The following ASB18 variants were observed in gnomAD, a reference collection of about 807,000 sequenced individuals.
ASB18 encodes ankyrin repeat and SOCS box containing 18.
In ASB18, 33 loss-of-function variants were observed where a neutral mutation model predicts 33.4. The ratio of observed to expected loss-of-function variants is 0.99; its 90% CI spans 0.75 to 1.32. The LOEUF (loss-of-function observed/expected upper bound fraction) is 1.32. Ranked by LOEUF, ASB18 falls within the 40% of genes most tolerant of loss-of-function variation. The pLI, the probability that ASB18 is intolerant of heterozygous loss-of-function variation, is 0.00. For synonymous variants in ASB18, 295 were observed against 307.6 expected, an observed-to-expected ratio of 0.96 and a Z score of 0.43; for missense variants, 694 against 655.5, an observed-to-expected ratio of 1.06 and a Z score of -0.64.
At position 236,252,053 on chromosome 2, in the gene ASB18, C is replaced by T. The variant is rs2106284601; in HGVS notation, c.206-10651G>A. Reference sequence around the variant, plus strand: ...TGGGAGGCTGAGGCAGGTGAATCACCTGAGGTCAGGAGTTCCAGACCAGGC... The same window carrying T: ...TGGGAGGCTGAGGCAGGTGAATCACTTGAGGTCAGGAGTTCCAGACCAGGC... On this transcript the variant is annotated intron_variant, in intron 1 of 5. Transcript: ENST00000409749. This position sits in a 1 kb window ranked among gnomAD's most constrained non-coding sequence, Gnocchi z 7.9. 6.6e-6 allele frequency among the ~76,000 whole-genome samples: 1 copy of T among 152,196 alleles called. No homozygotes were observed. Among genetic ancestry groups the T allele is most frequent in the African/African-American group, 2.4e-5 (1 of 41,524 alleles).
rs1190977071 is a variant in ASB18 at position 236,218,266 on chromosome 2, C to CT, written c.597-3401dup. ...GCTTCTAGTTGGCTAAACCTTGGCA[C>CT]TTTTTTAGAGTGGGCAATGATTTAA... On this transcript the variant is annotated intron_variant, in intron 3 of 5. Transcript: ENST00000409749. Among the ~76,000 whole-genome samples, 4 of 152,194 alleles carry CT rather than the reference C, an allele frequency of 2.6e-5. No individual in the cohort carries two copies. In the East Asian group the frequency reaches 7.7e-4, roughly 29 times the overall value.
At position 236,219,707 on chromosome 2, in the gene ASB18, G is replaced by A. The variant is rs1401369433; in HGVS notation, c.597-4841C>T. 6.6e-6 allele frequency among the ~76,000 whole-genome samples: 1 copy of A among 152,226 alleles called. No homozygotes were observed. Among genetic ancestry groups the A allele is most frequent in the Non-Finnish European group, 1.5e-5 (1 of 68,044 alleles). On this transcript the variant is annotated intron_variant, in intron 3 of 5. Transcript: ENST00000409749. This position sits in a 1 kb window ranked among gnomAD's most constrained non-coding sequence, Gnocchi z 6.4. ...AATGCCACCAGTGGAAGAAGAAATA[G>A]CTCAGTAGGGAAAGCATCCCTGAAG...
rs12185623 is a variant in ASB18 at position 236,220,289 on chromosome 2, G to C, written c.597-5423C>G. Among the ~76,000 whole-genome samples, 25,214 of 152,100 alleles carry C rather than the reference G, an allele frequency of 0.17. 2,164 individuals are homozygous for C. Among genetic ancestry groups the C allele is most frequent in the South Asian group, 0.24 (1,144 of 4,818 alleles). On this transcript the variant is annotated intron_variant, in intron 3 of 5. Transcript: ENST00000409749. This position sits in a 1 kb window ranked among gnomAD's most constrained non-coding sequence, Gnocchi z 5.1. Reference sequence around the variant, plus strand: ...CAGGGCACAAGGCCTGGAGGCCTCAGCCTGGGCTCTCCCACTGTTTCCTCC... The same window carrying C: ...CAGGGCACAAGGCCTGGAGGCCTCACCCTGGGCTCTCCCACTGTTTCCTCC...
At position 236,257,003 on chromosome 2, in the gene ASB18, C is replaced by G. The variant is rs1402060683; in HGVS notation, c.205+7138G>C. Among the ~76,000 whole-genome samples, 1 of 152,148 alleles carries G rather than the reference C, an allele frequency of 6.6e-6. No homozygotes were observed. The highest frequency in any genetic ancestry group is 1.5e-5 in the Non-Finnish European group (1 of 68,012). ...GGCTGCTGCAGCAGCCATTTTGTTC[C>G]TAAATAATTCAACTATATTCAAAGA... On this transcript the variant is annotated intron_variant, in intron 1 of 5. Coordinates refer to ENST00000409749, the MANE Select transcript of ASB18 (RefSeq NM_212556.4). The surrounding 1 kb of genome is among the most constrained non-coding windows in gnomAD (Gnocchi z 5.5).
At position 236,222,481 on chromosome 2, in the gene ASB18, C is replaced by T. The variant is rs1559331884; in HGVS notation, c.597-7615G>A. 6.6e-6 allele frequency among the ~76,000 whole-genome samples: 1 copy of T among 152,168 alleles called. No homozygotes were observed. The highest frequency in any genetic ancestry group is 1.5e-5 in the Non-Finnish European group (1 of 68,030). On this transcript the variant is annotated intron_variant, in intron 3 of 5. Coordinates refer to ENST00000409749, the MANE Select transcript of ASB18 (RefSeq NM_212556.4). This position sits in a 1 kb window ranked among gnomAD's most constrained non-coding sequence, Gnocchi z 5.5. ...CTCCCCATTGTAAATGGAAACTTGG[C>T]AAACTGAAAAATGATTTAGTGAACA...
At position 236,219,411 on chromosome 2, in the gene ASB18, G is replaced by A. The variant is rs982506399; in HGVS notation, c.597-4545C>T. 2.0e-5 allele frequency among the ~76,000 whole-genome samples: 3 copies of A among 152,110 alleles called. No individual in the cohort carries two copies. The highest frequency in any genetic ancestry group is 4.4e-5 in the Non-Finnish European group (3 of 68,026). ...TTGGCTTTCCAGGTTCCCAGAATAC[G>A]CTTGAAATTTCCATCAATCTGTTTA... On this transcript the variant is annotated intron_variant, in intron 3 of 5. Coordinates refer to ENST00000409749, the MANE Select transcript of ASB18 (RefSeq NM_212556.4). This position sits in a 1 kb window ranked among gnomAD's most constrained non-coding sequence, Gnocchi z 6.4.
At position 236,211,272 on chromosome 2, in the gene ASB18, C is replaced by T. The variant is rs2060457441; in HGVS notation, c.1101+3090G>A. Reference sequence around the variant, plus strand: ...CTGCCCCCTATGCCTGCCCTCGGTGCCCTGTCCCTGCCCCCAGTGTTAACT... The same window carrying T: ...CTGCCCCCTATGCCTGCCCTCGGTGTCCTGTCCCTGCCCCCAGTGTTAACT... On this transcript the variant is annotated intron_variant, in intron 4 of 5. Transcript: ENST00000409749. This position sits in a 1 kb window ranked among gnomAD's most constrained non-coding sequence, Gnocchi z 5.0. Among the ~76,000 whole-genome samples, 2 of 152,194 alleles carry T rather than the reference C, an allele frequency of 1.3e-5. No homozygotes were observed. Among genetic ancestry groups the T allele is most frequent in the South Asian group, 4.1e-4 (2 of 4,828 alleles).
chr2:236,224,061 G>A (rs2060525458), intron 3 of ASB18, among the ~76,000 whole-genome samples: 1 of 151,976 alleles, frequency 6.6e-6, no homozygotes, highest in Non-Finnish European at 1.5e-5. Context: ...GGAATTACTG[G>A]TAGGTATGTA....
rs1222730381 is a variant in ASB18 at position 236,209,339 on chromosome 2, C to A, written c.1101+5023G>T. 6.7e-6 allele frequency among the ~76,000 whole-genome samples: 1 copy of A among 150,076 alleles called. No homozygotes were observed. Among genetic ancestry groups the A allele is most frequent in the Non-Finnish European group, 1.5e-5 (1 of 67,834 alleles). ...CCAGGCTGGAGTGTAGTATTGCAAT[C>A]ATGGCTCACTGCAGCTTCCACCCCC... is the stretch of plus-strand genomic sequence containing the variant. On this transcript the variant is annotated intron_variant, in intron 4 of 5. Coordinates refer to ENST00000409749, the MANE Select transcript of ASB18 (RefSeq NM_212556.4). This position sits in a 1 kb window ranked among gnomAD's most constrained non-coding sequence, Gnocchi z 4.4.
chr2:236,223,592 C>T lies in ASB18; in HGVS notation c.597-8726G>A, dbSNP rs898721442. Among the ~76,000 whole-genome samples, 1 of 152,132 alleles carries T rather than the reference C, an allele frequency of 6.6e-6. No individual in the cohort carries two copies. The highest frequency in any genetic ancestry group is 6.5e-5 in the Admixed American group (1 of 15,282). Reference sequence around the variant, plus strand: ...CAGAAATGCACAGGTCTTAAGAGCACAATTGAATGAATTTCAACAAAGGAA... The same window carrying T: ...CAGAAATGCACAGGTCTTAAGAGCATAATTGAATGAATTTCAACAAAGGAA... On this transcript the variant is annotated intron_variant, in intron 3 of 5. Coordinates refer to ENST00000409749, the MANE Select transcript of ASB18 (RefSeq NM_212556.4). The surrounding 1 kb of genome is among the most constrained non-coding windows in gnomAD (Gnocchi z 4.6).
chr2:236,218,608 C>A (rs900011763), intron 3 of ASB18, among the ~76,000 whole-genome samples: 15 of 152,086 alleles, frequency 9.9e-5, no homozygotes, highest in African/African-American at 3.6e-4. Context: ...ACCATCCTGG[C>A]TAACATGGTG....
chr2:236,196,447 A>C lies in ASB18; in HGVS notation c.1102-62T>G, dbSNP rs1337980006. 1.2e-5 allele frequency: 8 copies of C among 683,768 alleles called. No individual in the cohort carries two copies. The highest frequency in any genetic ancestry group is 1.8e-5 in the Non-Finnish European group (7 of 386,872). 42.4% of individuals were successfully genotyped at this position (683,768 alleles called of 1,614,324 possible). On this transcript the variant is annotated intron_variant, in intron 4 of 5. Transcript: ENST00000409749. The surrounding 1 kb of genome is among the most constrained non-coding windows in gnomAD (Gnocchi z 5.6). ...CTGGGTTCTGGGTCTCAGTGGGGAAAGGGTGGGGGGTGTGGGGGGATGCTC... is the reference window on the plus strand; with the variant it reads ...CTGGGTTCTGGGTCTCAGTGGGGAACGGGTGGGGGGTGTGGGGGGATGCTC...
Position 236,225,237 on chromosome 2 carries a change from T to C in ASB18, c.597-10371A>G, listed in dbSNP as rs761688634. ...CCTGGGCTCAAGTGATCCTCCAGAC[T>C]CAGCCTCCCAAGTAGCTGAGACTAC... On this transcript the variant is annotated intron_variant, in intron 3 of 5. Coordinates refer to ENST00000409749, the MANE Select transcript of ASB18 (RefSeq NM_212556.4). This position sits in a 1 kb window ranked among gnomAD's most constrained non-coding sequence, Gnocchi z 5.1. Among the ~76,000 whole-genome samples, 1 of 152,124 alleles carries C rather than the reference T, an allele frequency of 6.6e-6. No homozygotes were observed. The highest frequency in any genetic ancestry group is 1.5e-5 in the Non-Finnish European group (1 of 68,022).
chr2:236,232,337 C>G (rs1164220035), intron 3 of ASB18, among the ~76,000 whole-genome samples: 2 of 151,186 alleles, frequency 1.3e-5, no homozygotes. Context: ...TTGTGGGATT[C>G]AGCTAAAATA....
chr2:236,251,680 A>G lies in ASB18; in HGVS notation c.206-10278T>C, dbSNP rs888245715. ...AGTTAAATTCCAGAATTAGAACTTT[A>G]AACTTCCAACGGAAAAACAGGAAAA... On this transcript the variant is annotated intron_variant, in intron 1 of 5. Coordinates refer to ENST00000409749, the MANE Select transcript of ASB18 (RefSeq NM_212556.4). This position sits in a 1 kb window ranked among gnomAD's most constrained non-coding sequence, Gnocchi z 5.3. 6.6e-6 allele frequency among the ~76,000 whole-genome samples: 1 copy of G among 152,234 alleles called. No homozygotes were observed. Among genetic ancestry groups the G allele is most frequent in the African/African-American group, 2.4e-5 (1 of 41,456 alleles).
chr2:236,252,893 A>T lies in ASB18; in HGVS notation c.205+11248T>A, dbSNP rs1243091969. The stretch of plus-strand genomic sequence containing the variant: ...TTTGCCTCAGCTGCAGAGCTGCATC[A>T]CCTAAGAACACTCCTCCCAACGTGG... On this transcript the variant is annotated intron_variant, in intron 1 of 5. Transcript: ENST00000409749. This position sits in a 1 kb window ranked among gnomAD's most constrained non-coding sequence, Gnocchi z 7.9. Among the ~76,000 whole-genome samples the T allele has an allele frequency of 1.3e-5, 2 of 152,124 alleles. No homozygotes were observed. Among genetic ancestry groups the T allele is most frequent in the Admixed American group, 6.5e-5 (1 of 15,280 alleles).
rs186884928 is a variant in ASB18, at chr2:236,196,909, C to T, written c.1102-524G>A. 6.6e-5 allele frequency among the ~76,000 whole-genome samples: 10 copies of T among 152,324 alleles called. No individual in the cohort carries two copies. The highest frequency in any genetic ancestry group is 2.0e-4 in the Admixed American group (3 of 15,296). ...TCACAGTCCCCACTGGCAAAGATTC[C>T]TATTGCCTTATTCACAAATTTATAA... On this transcript the variant is annotated intron_variant, in intron 4 of 5. Transcript: ENST00000409749. This position sits in a 1 kb window ranked among gnomAD's most constrained non-coding sequence, Gnocchi z 5.6.
intron 4 of ASB18, among the ~76,000 whole-genome samples, chr2:236,202,791 AAAAAT>A (rs1278424626): frequency 8.0e-6 from 1 of 124,988 alleles, no homozygotes; most frequent in African/African-American, 3.8e-5. Flanking sequence ...AAAAAAAAAA[AAAAAT>A]ATATATATAT....
At position 236,208,134 on chromosome 2, in the gene ASB18, G is replaced by A. The variant is rs10929173; in HGVS notation, c.1101+6228C>T. ...CCATTACTGTCACTGAGTCAGGCTT[G>A]GCAGGCTTTACGGAAAGAGAGAGAC... On this transcript the variant is annotated intron_variant, in intron 4 of 5. Transcript: ENST00000409749. This position sits in a 1 kb window ranked among gnomAD's most constrained non-coding sequence, Gnocchi z 7.7. Among the ~76,000 whole-genome samples, 26,124 of 151,942 alleles carry A rather than the reference G, an allele frequency of 0.17. 2,267 individuals are homozygous for A. The highest frequency in any genetic ancestry group is 0.25 in the South Asian group (1,192 of 4,798).
Sources: allele counts gnomAD v4.1 joint callset (sites outside exome capture counted in the v4.1 genomes callset), GRCh38; gene constraint gnomAD v4.1.1; non-coding constraint Gnocchi (gnomAD v3.1); transcripts MANE v1.5; gene names NCBI Gene and HGNC (gene_info 2026-07-23, HGNC 2026-07-21).